RIMS1: variants seen among roughly 807,000 people sequenced by gnomAD.
RIMS1 encodes the protein regulating synaptic membrane exocytosis protein 1.
A neutral mutation model predicts 214.1 loss-of-function variants in RIMS1; 83 were observed. The observed-to-expected ratio is 0.39, with a 90% CI of 0.32 to 0.47. The LOEUF (loss-of-function observed/expected upper bound fraction) is 0.47. Among genes scored for constraint, RIMS1 ranks in the 20% least tolerant of loss-of-function variants. The probability of loss-of-function intolerance (pLI) is 0.99; values close to 1 mark genes in which losing one functional copy is unlikely to be tolerated. For missense variants in RIMS1, 2,050 were observed against 2,161.8 expected (o/e 0.95, Z 1.03); for synonymous variants, 793 against 786.8 (o/e 1.01, Z -0.13).
At chr6:72,284,453 A>G (rs1245719446) in intron 24 of RIMS1, among the ~76,000 whole-genome samples, 1 of 152,170 alleles carries the variant, frequency 6.6e-6, no homozygotes, top group Non-Finnish European at 1.5e-5. Context: ...AATGTTACCA[A>G]TGAATGTAGT....
At chr6:72,395,910 G>C (rs945749510) in intron 31 of RIMS1, among the ~76,000 whole-genome samples, 5 of 151,280 alleles carry the variant, frequency 3.3e-5, no homozygotes, top group African/African-American at 1.2e-4. Flanking sequence ...TAAATAAAAA[G>C]TAAAATGGAA....
At chr6:72,370,161 C>T (rs978558236) in intron 29 of RIMS1, among the ~76,000 whole-genome samples, 8 of 152,068 alleles carry the variant, frequency 5.3e-5, no homozygotes, top group Admixed American at 2.0e-4. Context: ...GCATTGGTTC[C>T]CCTGTTTTCC....
At chr6:72,149,122 T>C (rs75052337) in intron 4 of RIMS1, among the ~76,000 whole-genome samples, 518 of 152,186 alleles carry the variant, frequency 3.4e-3, no homozygotes, top group Non-Finnish European at 5.7e-3. Flanking sequence ...TCTATGCAAA[T>C]GGATTCCTTC....
chr6:72,243,331 G>T (rs1013535804), intron 10 of RIMS1, among the ~76,000 whole-genome samples: 8 of 151,434 alleles, frequency 5.3e-5, no homozygotes, highest in African/African-American at 1.7e-4. Context: ...AATTCTCAAA[G>T]AATGAAAATG....
intron 1 of RIMS1, among the ~76,000 whole-genome samples, chr6:71,951,719 G>A (rs915656235): frequency 1.3e-5 from 2 of 149,300 alleles, no homozygotes; most frequent in East Asian, 2.0e-4. Context: ...AGCTGGTCTC[G>A]AACTGTTGGG....
chr6:72,378,772 G>A (rs1188185212), intron 29 of RIMS1, among the ~76,000 whole-genome samples: 1 of 152,214 alleles, frequency 6.6e-6, no homozygotes, highest in Non-Finnish European at 1.5e-5. Flanking sequence ...CTGGGGGATG[G>A]AGGTTGCAGT....
At chr6:71,950,977 A>C (rs547661122) in intron 1 of RIMS1, among the ~76,000 whole-genome samples, 1 of 152,226 alleles carries the variant, frequency 6.6e-6, no homozygotes, top group Non-Finnish European at 1.5e-5. Context: ...ATAACATTTT[A>C]GATGAGAAGA....
intron 6 of RIMS1, among the ~76,000 whole-genome samples, chr6:72,186,056 A>G (rs575976001): frequency 1.8e-4 from 27 of 152,370 alleles, no homozygotes; most frequent in African/African-American, 6.3e-4. Flanking sequence ...TACATATAAC[A>G]TACAACATTT....
intron 6 of RIMS1, among the ~76,000 whole-genome samples, chr6:72,219,811 T>G (rs2057777314): frequency 6.6e-6 from 1 of 151,898 alleles, no homozygotes; most frequent in Non-Finnish European, 1.5e-5. Flanking sequence ...CCACTTAATT[T>G]TTTTTTTACT....
Position 72,251,102 on chromosome 6 carries a change from A to G in RIMS1, c.2544+10A>G. On this transcript the variant is annotated intron_variant, in intron 14 of 33. Transcript: ENST00000521978. The stretch of plus-strand genomic sequence containing the variant: ...TGAATTTCTTGGAGAGGTGATGTAT[A>G]TTTTAAAAACTCAAGTCAAATAGTT... The G allele has an allele frequency of 6.4e-7, 1 of 1,571,502 alleles. No individual in the cohort carries two copies. The highest frequency in any genetic ancestry group is 8.6e-7 in the Non-Finnish European group (1 of 1,157,566).
At chr6:72,262,988 G>A in intron 19 of RIMS1, 1 of 586,720 alleles carries the variant, frequency 1.7e-6, no homozygotes, top group Non-Finnish European at 2.1e-6. Flanking sequence ...TTTTAGAGAT[G>A]AGGAAAAAAG....
At chr6:72,324,071 GA>G (rs2096318027) in intron 28 of RIMS1, among the ~76,000 whole-genome samples, 1 of 151,474 alleles carries the variant, frequency 6.6e-6, no homozygotes, top group East Asian at 2.0e-4. Context: ...TAGATAGATA[GA>G]TAGATAGAGA....
intron 28 of RIMS1, among the ~76,000 whole-genome samples, chr6:72,332,497 G>A (rs1349165535): frequency 7.6e-6 from 1 of 131,360 alleles, no homozygotes; most frequent in African/African-American, 2.9e-5. Context: ...AGAACACATG[G>A]ACACAGGAAG....
chr6:72,052,785 G>C (rs548835440), intron 2 of RIMS1, among the ~76,000 whole-genome samples: 1 of 152,236 alleles, frequency 6.6e-6, no homozygotes, highest in South Asian at 2.1e-4. Flanking sequence ...GTTGTTGCTT[G>C]ACTAGTAATA....
intron 13 of RIMS1, 86 bp downstream of exon 13, chr6:72,250,546 A>C: frequency 1.0e-6 from 1 of 973,610 alleles, no homozygotes; most frequent in South Asian, 1.7e-5. Flanking sequence ...GTTTTTAAAA[A>C]ATATAATAGA....
intron 4 of RIMS1, among the ~76,000 whole-genome samples, chr6:72,152,758 T>C (rs1335704340): frequency 1.5e-5 from 2 of 135,070 alleles, no homozygotes; most frequent in East Asian, 4.1e-4. Context: ...TATGTATATA[T>C]ATGGAATATA....
intron 23 of RIMS1, among the ~76,000 whole-genome samples, chr6:72,274,968 C>A: frequency 6.6e-6 from 1 of 151,102 alleles, no homozygotes; most frequent in Non-Finnish European, 1.5e-5. Context: ...TTGTCCAGGG[C>A]TAAGGGGTCA....
At chr6:72,269,837 T>C (rs1591373695) in intron 22 of RIMS1, among the ~76,000 whole-genome samples, 1 of 152,178 alleles carries the variant, frequency 6.6e-6, no homozygotes, top group Non-Finnish European at 1.5e-5. Flanking sequence ...TAAAATATTC[T>C]TCTTCCTTTG....
intron 1 of RIMS1, among the ~76,000 whole-genome samples, chr6:71,964,053 C>T (rs778179128): frequency 6.6e-5 from 10 of 151,962 alleles, no homozygotes; most frequent in African/African-American, 9.7e-5. Flanking sequence ...AGTAGAGCAA[C>T]GTGAAGGGTG....
Sources: allele counts gnomAD v4.1 joint callset (sites outside exome capture counted in the v4.1 genomes callset), GRCh38; gene constraint gnomAD v4.1.1; transcripts MANE v1.5; gene names NCBI Gene and HGNC (gene_info 2026-07-23, HGNC 2026-07-21).